The following ZFR2 variants were observed in gnomAD, a reference collection of about 807,000 sequenced individuals.
ZFR2 encodes zinc finger RNA-binding protein 2.
Under a neutral mutation model 105.7 loss-of-function variants are expected in ZFR2, and 104 were observed. The ratio of observed to expected loss-of-function variants is 0.98; its 90% CI spans 0.84 to 1.16. ZFR2 has a LOEUF of 1.16. Ranked by LOEUF, ZFR2 falls within the 50% of genes most tolerant of loss-of-function variation. ZFR2 has a pLI of 0.00. For synonymous variants in ZFR2, 634 were observed against 597.7 expected (o/e 1.06, Z -0.89); for missense variants, 1,425 against 1,355.5 (o/e 1.05, Z -0.80).
At chr19:3,845,326 G>T (rs1022590179) in intron 1 of ZFR2, among the ~76,000 whole-genome samples, 3 of 151,812 alleles carry the variant, frequency 2.0e-5, no homozygotes, top group African/African-American at 7.3e-5. Flanking sequence ...TTTTATTACA[G>T]AAGTATAAAG....
At chr19:3,836,657 T>G (rs897798935) in intron 1 of ZFR2, among the ~76,000 whole-genome samples, 9 of 152,194 alleles carry the variant, frequency 5.9e-5, no homozygotes, top group African/African-American at 2.2e-4. Context: ...GTTTGCACAG[T>G]GCCGAGGCCT....
intron 3 of ZFR2, among the ~76,000 whole-genome samples, chr19:3,832,316 T>C (rs2038025829): frequency 6.6e-6 from 1 of 151,856 alleles, no homozygotes; most frequent in African/African-American, 2.4e-5. Context: ...GTTTTTATTA[T>C]CATTATTATT....
intron 3 of ZFR2, chr19:3,833,393 T>C: frequency 6.5e-6 from 2 of 305,668 alleles, no homozygotes; most frequent in South Asian, 9.9e-5. Context: ...TGGCTAATAC[T>C]GTGAAACCCC....
chr19:3,830,117 T>A (rs554807405), intron 5 of ZFR2, among the ~76,000 whole-genome samples: 1 of 151,124 alleles, frequency 6.6e-6, no homozygotes, highest in Admixed American at 6.7e-5. Flanking sequence ...CTGGGCAACA[T>A]AGTGAGACCC....
chr19:3,858,161 T>C lies in ZFR2; in HGVS notation c.53+10804A>G, dbSNP rs919207630. Among the ~76,000 whole-genome samples, 13 of 152,102 alleles carry C rather than the reference T, an allele frequency of 8.5e-5. No individual in the cohort carries two copies. The highest frequency in any genetic ancestry group is 2.7e-4 in the African/African-American group (11 of 41,440). On this transcript the variant is annotated intron_variant, in intron 1 of 18. Transcript: ENST00000262961. The surrounding 1 kb of genome is among the most constrained non-coding windows in gnomAD (Gnocchi z 4.3). ...CCAAACTCAAGGGGACGTCAAGGCC[T>C]AGGGGATGGAATGGGCCCATCTGAG...
chr19:3,816,587 C>A, intron 13 of ZFR2, 87 bp downstream of exon 13: 1 of 1,484,826 alleles, frequency 6.7e-7, no homozygotes, highest in East Asian at 2.4e-5. Flanking sequence ...AACAAAGGTC[C>A]CCTGCCATCT....
In ZFR2 at chr19:3,816,732, T is replaced by C; in HGVS notation, c.2045A>G (p.Glu682Gly). The change falls in exon 13 of 19, where the codon GAG becomes GGG. Residue 682 changes from glutamate to glycine, a missense_variant. By Grantham distance (98) the Glu-to-Gly change is moderately conservative (BLOSUM62 -2). Coordinates refer to ENST00000262961, the MANE Select transcript of ZFR2 (RefSeq NM_015174.2). Reference protein sequence around the residue: ...RNVRLALLCSEKPTHSLLRRI... With the variant: ...RNVRLALLCSGKPTHSLLRRI... ...CCGCAGCAGGCTGTGCGTGGGCTTC[T>C]CGGAGCAGAGCAGAGCGAGGCGCAC... 6.2e-7 allele frequency: 1 copy of C among 1,612,556 alleles called. No individual in the cohort carries two copies. Among genetic ancestry groups the C allele is most frequent in the South Asian group, 1.1e-5 (1 of 91,040 alleles).
intron 13 of ZFR2, 51 bp downstream of exon 13, chr19:3,816,623 G>C (rs2037826978): frequency 6.4e-7 from 1 of 1,564,742 alleles, no homozygotes; most frequent in Admixed American, 1.8e-5. Flanking sequence ...TGCGGGGAGA[G>C]GGCTGGCAGC....
rs1479045475 is a variant in ZFR2, at chr19:3,834,499, G to T, written c.264+274C>A. Among the ~76,000 whole-genome samples the T allele has an allele frequency of 6.6e-6, 1 of 152,264 alleles. No homozygotes were observed. The highest frequency in any genetic ancestry group is 2.4e-5 in the African/African-American group (1 of 41,550). On this transcript the variant is annotated intron_variant, in intron 2 of 18. Coordinates refer to ENST00000262961, the MANE Select transcript of ZFR2 (RefSeq NM_015174.2). The surrounding 1 kb of genome is among the most constrained non-coding windows in gnomAD (Gnocchi z 5.3). ...CTCCTCCTTCATAGTCACTGCTGAAGCTGGGACAAAGCTCTGTGCGCCGTC... is the reference window on the plus strand; with the variant it reads ...CTCCTCCTTCATAGTCACTGCTGAATCTGGGACAAAGCTCTGTGCGCCGTC...
chr19:3,826,063 C>T (rs1025480210), intron 6 of ZFR2, among the ~76,000 whole-genome samples: 1 of 152,062 alleles, frequency 6.6e-6, no homozygotes, highest in Non-Finnish European at 1.5e-5. Context: ...CTGCCTGACC[C>T]CCAGACTGAG....
At chr19:3,844,874 G>C (rs565356116) in intron 1 of ZFR2, among the ~76,000 whole-genome samples, 2 of 152,226 alleles carry the variant, frequency 1.3e-5, no homozygotes, top group South Asian at 4.1e-4. Flanking sequence ...GCCCACTCCC[G>C]GGGGACTCAG....
At position 3,804,629 on chromosome 19, in the gene ZFR2, G is replaced by A. The variant is rs920026148; in HGVS notation, c.*1320C>T. On this transcript the variant is annotated 3_prime_UTR_variant, in exon 19 of 19. Transcript: ENST00000262961. ...CCAGCCAGGATCCTCATCGCCCGTCGGCGTGTCCACCTGGCCCTGTGGCTC... is the reference window on the plus strand; with the variant it reads ...CCAGCCAGGATCCTCATCGCCCGTCAGCGTGTCCACCTGGCCCTGTGGCTC... The A allele has an allele frequency of 2.6e-5, 4 of 151,804 alleles. No homozygotes were observed. Among genetic ancestry groups the A allele is most frequent in the Non-Finnish European group, 4.4e-5 (3 of 68,010 alleles). The allele number at this position is 151,804 out of a possible 1,614,324, so 9.4% of individuals were successfully genotyped here.
Position 3,858,419 on chromosome 19 carries a change from A to G in ZFR2, c.53+10546T>C, listed in dbSNP as rs1472191973. ...GCATTGAATAACTCAATGGGAACAC[A>G]CACACACAAAACCCCCCAAAACATT... On this transcript the variant is annotated intron_variant, in intron 1 of 18. Transcript: ENST00000262961. The surrounding 1 kb of genome is among the most constrained non-coding windows in gnomAD (Gnocchi z 4.3). Among the ~76,000 whole-genome samples the G allele has an allele frequency of 2.0e-5, 3 of 152,222 alleles. No individual in the cohort carries two copies. Among genetic ancestry groups the G allele is most frequent in the South Asian group, 4.1e-4 (2 of 4,836 alleles).
At chr19:3,862,630 A>T (rs1279538330) in intron 1 of ZFR2, among the ~76,000 whole-genome samples, 2 of 152,152 alleles carry the variant, frequency 1.3e-5, no homozygotes, top group Non-Finnish European at 2.9e-5. Context: ...TAAGATGAAA[A>T]ATCAAAATCC....
In ZFR2 at chr19:3,813,512, GC is replaced by G. The variant is rs1279163781; in HGVS notation, c.2242+307del. ...TGCCGCCAGGGCTGGTGTCACCAGGGCCTGAGAAGCAGGTGCCAGCCCTGGG... is the reference window on the plus strand; with the variant it reads ...TGCCGCCAGGGCTGGTGTCACCAGGGCTGAGAAGCAGGTGCCAGCCCTGGG... On this transcript the variant is annotated intron_variant, in intron 14 of 18. Transcript: ENST00000262961. This position sits in a 1 kb window ranked among gnomAD's most constrained non-coding sequence, Gnocchi z 4.4. 6.6e-6 allele frequency among the ~76,000 whole-genome samples: 1 copy of G among 152,206 alleles called. No individual in the cohort carries two copies.
intron 1 of ZFR2, chr19:3,852,067 T>C: frequency 3.8e-6 from 1 of 265,098 alleles, no homozygotes; most frequent in Non-Finnish European, 7.4e-6. Context: ...CAGGCGGGGC[T>C]CAGCTGGGTG....
chr19:3,833,624 C>T (rs775931600), intron 3 of ZFR2, 40 bp downstream of exon 3: 5 of 1,449,058 alleles, frequency 3.5e-6, no homozygotes, highest in Non-Finnish European at 2.8e-6. Flanking sequence ...CTGCGGGGAG[C>T]GTCTCCTCGT....
At chr19:3,817,564 A>AATG (rs1269645711) in intron 12 of ZFR2, among the ~76,000 whole-genome samples, 1,688 of 94,720 alleles carry the variant, frequency 0.018, 45 homozygotes, top group African/African-American at 0.06. Context: ...ATCTCAAAAT[A>AATG]ATGATAATAA....
rs778284122 is a variant in ZFR2, at chr19:3,819,231, C to T, written c.1745G>A (p.Gly582Glu). ...GTCGTCGCTGGACGCCGGCCGCCGC[C>T]CGGGCTGTGGGGAGAGGCCGCACGT... ...ESPASAPLQP[G>E]RRPASSDDRH... The change falls in exon 12 of 19, where the codon GGG becomes GAG. Residue 582 changes from glycine (G) to glutamate (E), a missense_variant. Physicochemically the swap from Gly to Glu is moderately conservative, Grantham distance 98. Transcript: ENST00000262961. The T allele has an allele frequency of 6.5e-7, 1 of 1,540,988 alleles. No homozygotes were observed. Among genetic ancestry groups the T allele is most frequent in the South Asian group, 1.2e-5 (1 of 82,594 alleles).
Sources: gnomAD v4.1 joint callset for allele counts (sites outside exome capture counted in the v4.1 genomes callset) on GRCh38, gnomAD v4.1.1 for gene constraint, Gnocchi (gnomAD v3.1) non-coding constraint, MANE v1.5 for transcripts, NCBI Gene and HGNC (gene_info 2026-07-23, HGNC 2026-07-21) for gene names.